OXR1: variants seen among roughly 807,000 people sequenced by gnomAD.
The protein encoded by OXR1 is oxidation resistance 1.
A neutral mutation model predicts 104.6 loss-of-function variants in OXR1; 41 were observed. The observed-to-expected ratio is 0.39, with a 90% CI of 0.31 to 0.51. The LOEUF is 0.51. OXR1 is among the 20% of genes least tolerant of loss of function. The probability of loss-of-function intolerance (pLI) is 0.77; values close to 1 mark genes in which losing one functional copy is unlikely to be tolerated. For missense variants in OXR1, 955 were observed against 1,031.9 expected (o/e 0.93, Z 1.02); for synonymous variants, 348 against 348.4 (o/e 1.00, Z 0.01).
intron 2 of OXR1, among the ~76,000 whole-genome samples, chr8:106,453,487 C>G (rs1820435292): frequency 6.6e-6 from 1 of 152,160 alleles, no homozygotes; most frequent in African/African-American, 2.4e-5. Context: ...ATTAAATTCT[C>G]TTTTTTCTTT....
chr8:106,694,536 T>C (rs1376705560), intron 7 of OXR1, among the ~76,000 whole-genome samples: 13 of 132,468 alleles, frequency 9.8e-5, no homozygotes, highest in African/African-American at 3.7e-4. Flanking sequence ...TATGTTTATA[T>C]ATATTTGATA....
At chr8:106,302,597 A>AC (rs1482778822) in intron 1 of OXR1, among the ~76,000 whole-genome samples, 5 of 151,832 alleles carry the variant, frequency 3.3e-5, no homozygotes, top group African/African-American at 9.7e-5. Context: ...AAAAAAAAAA[A>AC]AACAAGAATC....
intron 3 of OXR1, among the ~76,000 whole-genome samples, chr8:106,549,750 TGG>T (rs1420551712): frequency 3.9e-5 from 6 of 152,190 alleles, no homozygotes; most frequent in Non-Finnish European, 4.4e-5. Context: ...GGAAGCTCTC[TGG>T]GGTCCCTTTA....
intron 1 of OXR1, among the ~76,000 whole-genome samples, chr8:106,282,401 C>A (rs1202687335): frequency 1.3e-5 from 2 of 152,140 alleles, no homozygotes; most frequent in Admixed American, 1.3e-4. Flanking sequence ...GCTGTTAGAA[C>A]TTTTTATTTC....
chr8:106,524,678 A>G (rs995444150), intron 3 of OXR1, among the ~76,000 whole-genome samples: 4 of 152,222 alleles, frequency 2.6e-5, no homozygotes, highest in African/African-American at 9.6e-5. Context: ...CAGCCATCGT[A>G]TGCGTTGGGA....
At chr8:106,670,874 C>T (rs572779431) in intron 3 of OXR1, among the ~76,000 whole-genome samples, 37 of 151,452 alleles carry the variant, frequency 2.4e-4, no homozygotes, top group African/African-American at 6.8e-4. Context: ...CATGGGGAAA[C>T]CCTGTCTCTA....
chr8:106,575,838 C>A (rs1817786422), intron 3 of OXR1, among the ~76,000 whole-genome samples: 1 of 151,860 alleles, frequency 6.6e-6, no homozygotes, highest in Admixed American at 6.6e-5. Context: ...TAATTCTTAA[C>A]CTAGATAAAA....
chr8:106,287,250 G>A (rs1812538207), intron 1 of OXR1, among the ~76,000 whole-genome samples: 1 of 152,142 alleles, frequency 6.6e-6, no homozygotes, highest in African/African-American at 2.4e-5. Flanking sequence ...AATTAGGATT[G>A]TTCATGGCTA....
At chr8:106,277,507 C>T (rs948676231) in intron 1 of OXR1, among the ~76,000 whole-genome samples, 1 of 152,092 alleles carries the variant, frequency 6.6e-6, no homozygotes, top group African/African-American at 2.4e-5. Flanking sequence ...GTTTTACTCT[C>T]AAGAATCATA....
intron 3 of OXR1, among the ~76,000 whole-genome samples, chr8:106,614,878 TAGTATTACTATACCATCTATTTG>T (rs1266983413): frequency 1.3e-5 from 2 of 152,250 alleles, no homozygotes; most frequent in Non-Finnish European, 2.9e-5. Context: ...CAAATGTAGA[TAGTATTACTATACCATCTATTTG>T]AGATGTAAAT....
chr8:106,657,262 A>G (rs1486169634), intron 3 of OXR1, among the ~76,000 whole-genome samples: 1 of 151,942 alleles, frequency 6.6e-6, no homozygotes, highest in Non-Finnish European at 1.5e-5. Flanking sequence ...GTTACTATTC[A>G]TGTTTTAATT....
intron 2 of OXR1, among the ~76,000 whole-genome samples, chr8:106,511,277 A>C (rs1812508460): frequency 6.6e-6 from 1 of 152,162 alleles, no homozygotes; most frequent in Non-Finnish European, 1.5e-5. Flanking sequence ...TTGCTCCCGA[A>C]AGCTTATTTT....
chr8:106,587,556 C>T (rs1485103414), intron 3 of OXR1, among the ~76,000 whole-genome samples: 1 of 152,136 alleles, frequency 6.6e-6, no homozygotes, highest in Admixed American at 6.5e-5. Context: ...TTAAGGTGGA[C>T]TTTAAATAAA....
chr8:106,618,479 T>C (rs528331744), intron 3 of OXR1, among the ~76,000 whole-genome samples: 2 of 152,362 alleles, frequency 1.3e-5, no homozygotes, highest in East Asian at 3.9e-4. Context: ...ATACTGCTGC[T>C]AATTATGATT....
intron 3 of OXR1, among the ~76,000 whole-genome samples, chr8:106,618,847 A>G (rs1451392427): frequency 6.6e-6 from 1 of 152,068 alleles, no homozygotes; most frequent in Non-Finnish European, 1.5e-5. Context: ...CAGAAAAACG[A>G]GGCAAGAAAT....
intron 3 of OXR1, among the ~76,000 whole-genome samples, chr8:106,522,449 A>C (rs1813332378): frequency 6.6e-6 from 1 of 152,092 alleles, no homozygotes; most frequent in Non-Finnish European, 1.5e-5. Flanking sequence ...TATTGTTTTT[A>C]CTCTGGAATA....
intron 3 of OXR1, among the ~76,000 whole-genome samples, chr8:106,553,722 C>T (rs1043925379): frequency 2.0e-5 from 3 of 152,120 alleles, no homozygotes; most frequent in African/African-American, 7.2e-5. Context: ...TATACATCCA[C>T]CTCCACCACC....
chr8:106,392,035 C>T (rs1274016393), intron 2 of OXR1, among the ~76,000 whole-genome samples: 1 of 152,158 alleles, frequency 6.6e-6, no homozygotes, highest in African/African-American at 2.4e-5. Flanking sequence ...ATCAGAGCTG[C>T]AGGACGTTTG....
chr8:106,727,743 G>C (rs1301506890), intron 11 of OXR1, among the ~76,000 whole-genome samples: 3 of 152,086 alleles, frequency 2.0e-5, no homozygotes, highest in Non-Finnish European at 2.9e-5. Context: ...CTTATGGGAG[G>C]CTATATAATT....
Sources: allele counts gnomAD v4.1 joint callset (sites outside exome capture counted in the v4.1 genomes callset), GRCh38; gene constraint gnomAD v4.1.1; transcripts MANE v1.5; gene names NCBI Gene and HGNC (gene_info 2026-07-23, HGNC 2026-07-21).